Variants in USP49 observed in about 807,000 individuals in gnomAD.
USP49 encodes ubiquitin specific peptidase 49.
USP49 carries 24 observed loss-of-function variants against 58.6 expected under a neutral mutation model. That is an observed-to-expected ratio of 0.41 (90% confidence interval 0.30 to 0.58). USP49 has a LOEUF of 0.58. Ranked by LOEUF, USP49 falls within the 20% of genes least tolerant of loss-of-function variation. The pLI is 0.30. For synonymous variants in USP49, 408 were observed against 365.1 expected (o/e 1.12, Z -1.34); for missense variants, 703 against 866.1 (o/e 0.81, Z 2.36).
chr6:41,890,886 G>A (rs1774800053), intron 2 of USP49, among the ~76,000 whole-genome samples: 1 of 152,148 alleles, frequency 6.6e-6, no homozygotes, highest in Admixed American at 6.5e-5. Context: ...AACAAGTCCA[G>A]GGCAGTTTTC....
At chr6:41,839,404 C>CCAAAA (rs1773782391) in intron 3 of USP49, among the ~76,000 whole-genome samples, 1 of 22,234 alleles carries the variant, frequency 4.5e-5, no homozygotes, top group Admixed American at 8.8e-4. Flanking sequence ...GGCCTTGTCT[C>CCAAAA]AAAAAAAAAA....
rs751379337 is a variant in USP49 at position 41,806,646 on chromosome 6, C to A, written c.338G>T (p.Arg113Leu). The change falls in exon 4 of 8, where the codon CGT becomes CTT. Residue 113 changes from arginine (R) to leucine (L), a missense_variant. Around this residue, in one of 6 missense-constraint regions of USP49, gnomAD observed 376 missense variants for 373.5 expected, o/e 1.01. Transcript: ENST00000682992. This position sits in a 1 kb window ranked among gnomAD's most constrained non-coding sequence, Gnocchi z 5.9. ...RGQKQDTPVR[R>L]GRTLRSMASG... is the part of the protein sequence containing the mutation. ...AGCCATGGACCGCAGCGTCCGCCCA[C>A]GTCTCACCGGCGTGTCCTGTTTCTG... 6.2e-7 allele frequency: 1 copy of A among 1,613,690 alleles called. No individual in the cohort carries two copies. The highest frequency in any genetic ancestry group is 1.7e-5 in the Admixed American group (1 of 60,034).
intron 4 of USP49, among the ~76,000 whole-genome samples, chr6:41,805,129 A>G (rs997219094): frequency 1.3e-5 from 2 of 152,234 alleles, no homozygotes; most frequent in African/African-American, 4.8e-5. Context: ...CTTAGGTTAC[A>G]TGGCTAAAGA....
chr6:41,837,579 C>T (rs773867081), intron 3 of USP49, among the ~76,000 whole-genome samples: 6 of 152,120 alleles, frequency 3.9e-5, no homozygotes, highest in Non-Finnish European at 7.4e-5. Flanking sequence ...AAAGCAATTG[C>T]AGCAAAAGCA....
At chr6:41,817,615 AT>A (rs1330086940) in intron 3 of USP49, among the ~76,000 whole-genome samples, 1 of 150,086 alleles carries the variant, frequency 6.7e-6, no homozygotes, top group African/African-American at 2.5e-5. Context: ...GCCCACCACC[AT>A]TTTTCTTTTT....
At chr6:41,825,004 G>A (rs1773514872) in intron 3 of USP49, among the ~76,000 whole-genome samples, 1 of 152,218 alleles carries the variant, frequency 6.6e-6, no homozygotes, top group Admixed American at 6.5e-5. Flanking sequence ...CACAAGAGGT[G>A]AGAGGACTGG....
chr6:41,823,836 G>A (rs1451488404), intron 3 of USP49, among the ~76,000 whole-genome samples: 1 of 152,092 alleles, frequency 6.6e-6, no homozygotes, highest in South Asian at 2.1e-4. Context: ...GTGGTGGGGG[G>A]GTCGGGAGAG....
At chr6:41,799,737 C>A in intron 6 of USP49, 93 bp downstream of exon 6, 1 of 1,138,570 alleles carries the variant, frequency 8.8e-7, no homozygotes. Flanking sequence ...GCTTCCCCTC[C>A]CAACACCATA....
At chr6:41,859,336 C>T (rs1774180883) in intron 3 of USP49, among the ~76,000 whole-genome samples, 1 of 152,210 alleles carries the variant, frequency 6.6e-6, no homozygotes, top group African/African-American at 2.4e-5. Context: ...AGAACATTTT[C>T]ATCATTCCCC....
At chr6:41,855,868 C>T (rs531937058) in intron 3 of USP49, among the ~76,000 whole-genome samples, 8 of 149,766 alleles carry the variant, frequency 5.3e-5, no homozygotes, top group Non-Finnish European at 1.0e-4. Context: ...GCCAACATGG[C>T]GAAACCCCGT....
chr6:41,847,842 G>A (rs1773950251), intron 3 of USP49, among the ~76,000 whole-genome samples: 1 of 152,166 alleles, frequency 6.6e-6, no homozygotes, highest in Non-Finnish European at 1.5e-5. Flanking sequence ...AAGAGGGAGA[G>A]ACAAAGTGGC....
rs116649102 is a variant in USP49 at position 41,837,952 on chromosome 6, A to C, written c.-28-30941T>G. ...CTATTATTTAAAAGTCAAAAACATC[A>C]CAGATGATGGCAAAGATGTGGAGAA... On this transcript the variant is annotated intron_variant, in intron 3 of 7. Coordinates refer to ENST00000682992, the MANE Select transcript of USP49 (RefSeq NM_001286554.2). Among the ~76,000 whole-genome samples the C allele has an allele frequency of 1.7e-3, 253 of 152,292 alleles. 1 individual carries two copies. The highest frequency in any genetic ancestry group is 5.6e-3 in the African/African-American group (233 of 41,560).
intron 3 of USP49, among the ~76,000 whole-genome samples, chr6:41,864,831 T>C (rs1774282502): frequency 6.6e-6 from 1 of 152,120 alleles, no homozygotes; most frequent in African/African-American, 2.4e-5. Flanking sequence ...ACAGCCATAT[T>C]AGTTAACCTT....
intron 3 of USP49, 113 bp from the exon 4 acceptor site, chr6:41,807,124 T>A: frequency 8.8e-7 from 1 of 1,135,364 alleles, no homozygotes. Context: ...ATTTCAACTC[T>A]AGATTCATTC....
At chr6:41,801,924 CA>C (rs1190613410) in intron 5 of USP49, among the ~76,000 whole-genome samples, 1 of 152,078 alleles carries the variant, frequency 6.6e-6, no homozygotes, top group African/African-American at 2.4e-5. Context: ...TAAAGATAAA[CA>C]AAAGTTATTT....
At chr6:41,881,870 T>C (rs538430813) in intron 2 of USP49, among the ~76,000 whole-genome samples, 1 of 152,268 alleles carries the variant, frequency 6.6e-6, no homozygotes, top group Admixed American at 6.5e-5. Context: ...TAAAATACTA[T>C]GTTCATTCTT....
intron 5 of USP49, among the ~76,000 whole-genome samples, chr6:41,801,294 G>C (rs146108617): frequency 8.9e-4 from 136 of 152,320 alleles, no homozygotes; most frequent in African/African-American, 3.2e-3. Flanking sequence ...CATGGGCTCA[G>C]TGTTTGAAGA....
intron 4 of USP49, 113 bp from the exon 5 acceptor site, chr6:41,804,123 AAAT>A: frequency 2.5e-6 from 2 of 811,918 alleles, no homozygotes; most frequent in Non-Finnish European, 3.7e-6. Flanking sequence ...AATTTTCAAA[AAAT>A]AGTAATATTA....
At chr6:41,873,064 T>A (rs1774442777) in intron 2 of USP49, 1 of 152,032 alleles carries the variant, frequency 6.6e-6, no homozygotes. Context: ...CAGGGAAGAA[T>A]TTGGTTTTAT....
Sources: gnomAD v4.1 joint callset for allele counts (sites outside exome capture counted in the v4.1 genomes callset) on GRCh38, gnomAD v4.1.1 for gene constraint, gnomAD v4.1.1 regional missense constraint, Gnocchi (gnomAD v3.1) non-coding constraint, MANE v1.5 for transcripts, NCBI Gene and HGNC (gene_info 2026-07-23, HGNC 2026-07-21) for gene names.